Variants in OPCML observed in about 807,000 individuals in gnomAD.
OPCML encodes opioid-binding protein/cell adhesion molecule.
OPCML carries 13 observed loss-of-function variants against 37.8 expected under a neutral mutation model. The ratio of observed to expected loss-of-function variants is 0.34; its 90% confidence interval spans 0.22 to 0.55. The LOEUF is 0.55. Ranked by LOEUF, OPCML falls within the 20% of genes least tolerant of loss-of-function variation. OPCML has a pLI of 0.91. For missense variants in OPCML, 341 were observed against 435.6 expected, an observed-to-expected ratio of 0.78 and a Z score of 1.93; for synonymous variants, 176 against 168.8, an observed-to-expected ratio of 1.04 and a Z score of -0.33.
At chr11:133,324,613 C>G (rs1050686356) in intron 1 of OPCML, among the ~76,000 whole-genome samples, 3 of 152,210 alleles carry the variant, frequency 2.0e-5, no homozygotes, top group Non-Finnish European at 4.4e-5. Context: ...TGGGCTGTCT[C>G]TCTGAGGGCA....
chr11:132,658,811 T>C (rs1939520), intron 2 of OPCML, among the ~76,000 whole-genome samples: 73,441 of 151,778 alleles, frequency 0.48, 17,903 homozygotes, highest in Middle Eastern at 0.58. Context: ...CAGCACCCCA[T>C]GGTGATTTGC....
chr11:133,034,312 T>TATGTATAGGG (rs141951953), intron 1 of OPCML, among the ~76,000 whole-genome samples: 1 of 148,738 alleles, frequency 6.7e-6, no homozygotes, highest in African/African-American at 2.5e-5. Context: ...TGTATAGGTG[T>TATGTATAGGG]GTGTGTGTGT....
At chr11:133,452,640 T>A (rs1284691840) in intron 1 of OPCML, among the ~76,000 whole-genome samples, 1 of 151,416 alleles carries the variant, frequency 6.6e-6, no homozygotes, top group Admixed American at 6.6e-5. Context: ...AGTGAGACCC[T>A]TATCTCATAT....
At chr11:132,715,577 T>C (rs1159401260) in intron 2 of OPCML, among the ~76,000 whole-genome samples, 1 of 152,126 alleles carries the variant, frequency 6.6e-6, no homozygotes, top group Non-Finnish European at 1.5e-5. Flanking sequence ...TCCTCATGAA[T>C]GGGATTAGTG....
chr11:132,926,139 A>T (rs1465400041), intron 2 of OPCML, among the ~76,000 whole-genome samples: 1 of 152,076 alleles, frequency 6.6e-6, no homozygotes, highest in Non-Finnish European at 1.5e-5. Flanking sequence ...CTCTCAACTA[A>T]TTTACCCTAC....
chr11:133,352,448 G>A (rs540316885), intron 1 of OPCML, among the ~76,000 whole-genome samples: 2 of 152,302 alleles, frequency 1.3e-5, no homozygotes, highest in Non-Finnish European at 2.9e-5. Context: ...CTGAATGCCT[G>A]TGCTGAAGTA....
chr11:133,148,495 C>T (rs1254174013), intron 1 of OPCML, among the ~76,000 whole-genome samples: 1 of 152,168 alleles, frequency 6.6e-6, no homozygotes, highest in African/African-American at 2.4e-5. Flanking sequence ...TTTTCACAGC[C>T]CTGGGCACTG....
At chr11:132,533,462 C>T (rs552202016) in intron 3 of OPCML, among the ~76,000 whole-genome samples, 4 of 152,152 alleles carry the variant, frequency 2.6e-5, no homozygotes, top group African/African-American at 2.4e-5. Flanking sequence ...GACAGATAGA[C>T]GGATAGACAA....
chr11:133,315,537 G>A (rs1261451853), intron 1 of OPCML, among the ~76,000 whole-genome samples: 2 of 152,202 alleles, frequency 1.3e-5, no homozygotes, highest in Non-Finnish European at 2.9e-5. Flanking sequence ...GGTGGCTCAC[G>A]CCTATAATCC....
At chr11:133,081,644 G>A (rs965426783) in intron 1 of OPCML, among the ~76,000 whole-genome samples, 2 of 152,154 alleles carry the variant, frequency 1.3e-5, no homozygotes, top group African/African-American at 4.8e-5. Flanking sequence ...TGTATTAAAT[G>A]CACTCCTGCT....
chr11:132,890,007 C>T (rs1186078282), intron 2 of OPCML, among the ~76,000 whole-genome samples: 1 of 152,218 alleles, frequency 6.6e-6, no homozygotes, highest in African/African-American at 2.4e-5. Flanking sequence ...AAACTAATTT[C>T]ATATTTTAGG....
chr11:132,729,646 G>C (rs1318888389), intron 2 of OPCML, among the ~76,000 whole-genome samples: 12 of 152,148 alleles, frequency 7.9e-5, no homozygotes, highest in Admixed American at 7.2e-4. Context: ...CAGTCAAAAG[G>C]GTTCCAGAAT....
chr11:133,240,853 T>C (rs1940704417), intron 1 of OPCML, among the ~76,000 whole-genome samples: 1 of 152,204 alleles, frequency 6.6e-6, no homozygotes, highest in Non-Finnish European at 1.5e-5. Context: ...CTCAAATCTT[T>C]TATTCCTCCA....
At chr11:132,707,196 G>A (rs1944069216) in intron 2 of OPCML, among the ~76,000 whole-genome samples, 1 of 152,182 alleles carries the variant, frequency 6.6e-6, no homozygotes, top group African/African-American at 2.4e-5. Context: ...AATAGATGAT[G>A]CACTGTATGA....
At chr11:132,493,988 T>A (rs976236261) in intron 4 of OPCML, among the ~76,000 whole-genome samples, 2 of 152,220 alleles carry the variant, frequency 1.3e-5, no homozygotes, top group African/African-American at 4.8e-5. Flanking sequence ...AAGAGCCATG[T>A]CCCAGCTGTT....
chr11:132,909,710 G>A (rs1356847992), intron 2 of OPCML, among the ~76,000 whole-genome samples: 1 of 152,142 alleles, frequency 6.6e-6, no homozygotes, highest in African/African-American at 2.4e-5. Flanking sequence ...AAAGCTTTGG[G>A]GCCCAAGAAA....
chr11:132,624,115 C>A (rs1489104674), intron 3 of OPCML, among the ~76,000 whole-genome samples: 1 of 152,206 alleles, frequency 6.6e-6, no homozygotes, highest in Non-Finnish European at 1.5e-5. Flanking sequence ...AGTGTTCCAA[C>A]TATTCTTCAA....
chr11:133,429,047 AATG>A, intron 1 of OPCML, among the ~76,000 whole-genome samples: 1 of 152,244 alleles, frequency 6.6e-6, no homozygotes, highest in East Asian at 1.9e-4. Context: ...TATATACAAC[AATG>A]ATAAGAGTAA....
chr11:133,304,216 G>GCT (rs1565560501), intron 1 of OPCML, among the ~76,000 whole-genome samples: 2 of 152,232 alleles, frequency 1.3e-5, no homozygotes, highest in East Asian at 3.9e-4. Context: ...ACGTCTGCTG[G>GCT]GACATGAAGC....
Sources: gnomAD v4.1 joint callset for allele counts (sites outside exome capture counted in the v4.1 genomes callset) on GRCh38, gnomAD v4.1.1 for gene constraint, MANE v1.5 for transcripts, NCBI Gene and HGNC (gene_info 2026-07-23, HGNC 2026-07-21) for gene names.